Variants in RIMS2 observed in about 807,000 individuals in gnomAD.
RIMS2 encodes the protein regulating synaptic membrane exocytosis 2.
RIMS2 carries 59 observed loss-of-function variants against 174.4 expected under a neutral mutation model. The ratio of observed to expected loss-of-function variants is 0.34; its 90% CI spans 0.27 to 0.42. RIMS2 has a LOEUF of 0.42. Ranked by LOEUF, RIMS2 falls within the 10% of genes least tolerant of loss-of-function variation. The pLI, the probability that RIMS2 is intolerant of heterozygous loss-of-function variation, is 1.00. For synonymous variants in RIMS2, 606 were observed against 572.5 expected, an observed-to-expected ratio of 1.06 and a Z score of -0.84; for missense variants, 1,620 against 1,666.3, an observed-to-expected ratio of 0.97 and a Z score of 0.48.
intron 1 of RIMS2, among the ~76,000 whole-genome samples, chr8:103,681,129 A>G (rs2096874842): frequency 6.6e-6 from 1 of 152,034 alleles, no homozygotes. Flanking sequence ...AGATGCAGCA[A>G]CTATAGGGGT....
intron 17 of RIMS2, among the ~76,000 whole-genome samples, chr8:103,997,236 T>C (rs1165416751): frequency 1.3e-5 from 2 of 151,968 alleles, no homozygotes; most frequent in East Asian, 1.9e-4. Context: ...GCAAGGGTTT[T>C]ATTTTTAGGA....
intron 17 of RIMS2, chr8:103,998,369 A>G (rs1213961149): frequency 2.8e-5 from 15 of 528,834 alleles, no homozygotes; most frequent in Non-Finnish European, 3.9e-5. Flanking sequence ...TTAATGAAAT[A>G]TAGAAATATC....
chr8:103,918,658 AC>A (rs767789666), intron 9 of RIMS2, 171 bp downstream of exon 12: 3 of 584,854 alleles, frequency 5.1e-6, no homozygotes, highest in African/African-American at 3.7e-5. Context: ...TGTGGGAAAA[AC>A]AAAAATGTAG....
chr8:104,131,882 C>T (rs992183026), intron 19 of RIMS2, among the ~76,000 whole-genome samples: 3 of 152,158 alleles, frequency 2.0e-5, no homozygotes, highest in African/African-American at 7.2e-5. Flanking sequence ...GAGTGATTTA[C>T]ATTTAATAAT....
rs963920668 is a variant in RIMS2, at chr8:104,037,807, A to T, written c.3334+23192A>T. 3.3e-5 allele frequency among the ~76,000 whole-genome samples: 5 copies of T among 152,118 alleles called. No individual in the cohort carries two copies. The East Asian group carries it at 9.6e-4, about 29-fold the overall frequency. ...TTTATACATGCATTAATATCTATAT[A>T]TGTAGATATGTAGATATACAGTCAT... On this transcript the variant is annotated intron_variant, in intron 19 of 23. Coordinates refer to ENST00000504942, the Ensembl canonical transcript of RIMS2.
chr8:103,556,228 C>T (rs1487091045), intron 1 of RIMS2, among the ~76,000 whole-genome samples: 1 of 152,026 alleles, frequency 6.6e-6, no homozygotes, highest in Admixed American at 6.6e-5. Context: ...TGAGGTAATG[C>T]ATTTGTTTTA....
chr8:104,080,839 T>C (rs1179460887), intron 19 of RIMS2, among the ~76,000 whole-genome samples: 2 of 152,158 alleles, frequency 1.3e-5, no homozygotes, highest in African/African-American at 4.8e-5. Context: ...TTACTTCTAT[T>C]GCATCAATTT....
chr8:103,580,445 ATGTGTGTGTG>A (rs35882328), intron 1 of RIMS2, among the ~76,000 whole-genome samples: 1 of 149,656 alleles, frequency 6.7e-6, no homozygotes, highest in African/African-American at 2.5e-5. Context: ...ATATGTGTGC[ATGTGTGTGTG>A]TGTGTGTGTG....
intron 1 of RIMS2, among the ~76,000 whole-genome samples, chr8:103,548,239 A>T (rs1021052782): frequency 6.6e-6 from 1 of 152,198 alleles, no homozygotes; most frequent in Non-Finnish European, 1.5e-5. Context: ...AATATTCTTG[A>T]TGAACATAGA....
chr8:104,189,408 G>A (rs1402255569), intron 19 of RIMS2, among the ~76,000 whole-genome samples: 3 of 151,774 alleles, frequency 2.0e-5, no homozygotes, highest in Non-Finnish European at 4.4e-5. Flanking sequence ...GGACAGAACT[G>A]CACTCACTTA....
intron 2 of RIMS2, among the ~76,000 whole-genome samples, chr8:103,735,150 G>A (rs2097669717): frequency 6.6e-6 from 1 of 152,118 alleles, no homozygotes; most frequent in Non-Finnish European, 1.5e-5. Flanking sequence ...CTCTGTTAGT[G>A]ATGAAAGCTG....
chr8:103,559,357 G>T, intron 1 of RIMS2: 1 of 269,620 alleles, frequency 3.7e-6, no homozygotes, highest in Non-Finnish European at 7.3e-6. Flanking sequence ...TGCCCTTGGT[G>T]GTGATCTCGG....
intron 19 of RIMS2, among the ~76,000 whole-genome samples, chr8:104,138,871 GT>G (rs556444429): frequency 1.3e-3 from 196 of 152,110 alleles, no homozygotes; most frequent in African/African-American, 4.4e-3. Flanking sequence ...TTTCCCCAAT[GT>G]TTTCTTTTAG....
chr8:103,608,838 C>T (rs2095256404), intron 1 of RIMS2, among the ~76,000 whole-genome samples: 1 of 152,224 alleles, frequency 6.6e-6, no homozygotes, highest in African/African-American at 2.4e-5. Context: ...CAATGCCTCG[C>T]CCTGCTTTGG....
intron 1 of RIMS2, among the ~76,000 whole-genome samples, chr8:103,677,312 TG>T (rs1250673583): frequency 6.6e-6 from 1 of 152,112 alleles, no homozygotes; most frequent in Non-Finnish European, 1.5e-5. Context: ...TCCTGAAAGC[TG>T]GAGTTCACAT....
chr8:104,056,689 C>T (rs1248812378), intron 19 of RIMS2, among the ~76,000 whole-genome samples: 2 of 151,936 alleles, frequency 1.3e-5, no homozygotes, highest in African/African-American at 4.8e-5. Context: ...TGAGACCAGC[C>T]GGGGAAACAT....
intron 4 of RIMS2, among the ~76,000 whole-genome samples, chr8:103,892,231 TCTCA>T (rs1423534885): frequency 1.3e-5 from 2 of 151,522 alleles, no homozygotes; most frequent in African/African-American, 4.9e-5. Context: ...TGAGACAGGG[TCTCA>T]CTCTGTTATC....
rs78937364 is a variant in RIMS2 at position 103,762,243 on chromosome 8, A to T, written c.388-3984A>T. On this transcript the variant is annotated intron_variant, in intron 2 of 23. Coordinates refer to ENST00000504942, the Ensembl canonical transcript of RIMS2. ...TTTCTATATTATTTTTAAAATTTTG[A>T]CATATTTAGGACTGAAGGTAATAAT... Among the ~76,000 whole-genome samples, 1,095 of 152,046 alleles carry T rather than the reference A, an allele frequency of 7.2e-3. 21 individuals are homozygous for T. The highest frequency in any genetic ancestry group is 0.025 in the African/African-American group (1,034 of 41,470).
At chr8:103,992,102 T>TTGTTG (rs2094742440) in intron 17 of RIMS2, among the ~76,000 whole-genome samples, 1 of 151,884 alleles carries the variant, frequency 6.6e-6, no homozygotes, top group Non-Finnish European at 1.5e-5. Flanking sequence ...CTTAGTGTTG[T>TTGTTG]TGTTGTTTTG....
Sources: gnomAD v4.1 joint callset for allele counts (sites outside exome capture counted in the v4.1 genomes callset) on GRCh38, gnomAD v4.1.1 for gene constraint, MANE v1.5 for transcripts, NCBI Gene and HGNC (gene_info 2026-07-23, HGNC 2026-07-21) for gene names.